Variants in DCDC2 observed in about 807,000 individuals in gnomAD.
DCDC2 encodes the protein doublecortin domain containing 2.
DCDC2 carries 40 observed loss-of-function variants against 50.2 expected under a neutral mutation model. That is an observed-to-expected ratio of 0.80 (90% CI 0.62 to 1.04). The LOEUF is 1.04. DCDC2 is among the 50% of genes least tolerant of loss of function. The probability of loss-of-function intolerance (pLI) is 0.00; values close to 1 mark genes in which losing one functional copy is unlikely to be tolerated. For synonymous variants in DCDC2, 234 were observed against 210.6 expected (o/e 1.11, Z -0.96); for missense variants, 570 against 581.9 (o/e 0.98, Z 0.21).
chr6:24,224,305 T>A (rs1217289353), intron 7 of DCDC2, among the ~76,000 whole-genome samples: 1 of 152,176 alleles, frequency 6.6e-6, no homozygotes, highest in Non-Finnish European at 1.5e-5. Flanking sequence ...TCTTAGACTC[T>A]AAAGATACAA....
chr6:24,205,448 C>T (rs1427997669), intron 7 of DCDC2: 3 of 1,041,720 alleles, frequency 2.9e-6, no homozygotes, highest in Non-Finnish European at 2.7e-6. Flanking sequence ...CTCCTATTCA[C>T]AAAACAGTGA....
chr6:24,368,150 CAAAT>C, the DCDC2 span, among the ~76,000 whole-genome samples: 48 of 151,234 alleles, frequency 3.2e-4, no homozygotes, highest in African/African-American at 1.0e-3. Flanking sequence ...AAAAAAATAA[CAAAT>C]AAGTTATCCA....
intron 7 of DCDC2, among the ~76,000 whole-genome samples, chr6:24,260,083 C>T (rs553004347): frequency 6.6e-6 from 1 of 152,284 alleles, no homozygotes; most frequent in South Asian, 2.1e-4. Context: ...GCCCAACTAA[C>T]TTTTTTCTTC....
intron 2 of DCDC2, among the ~76,000 whole-genome samples, chr6:24,340,427 T>C (rs1181769689): frequency 6.6e-6 from 1 of 152,248 alleles, no homozygotes; most frequent in Non-Finnish European, 1.5e-5. Flanking sequence ...ACTATTTGAC[T>C]AAATTAAATA....
intron 7 of DCDC2, among the ~76,000 whole-genome samples, chr6:24,243,582 T>A (rs916205196): frequency 2.0e-5 from 3 of 152,206 alleles, no homozygotes; most frequent in Non-Finnish European, 4.4e-5. Context: ...TTTAATAGAA[T>A]AACAAAACCC....
intron 7 of DCDC2, among the ~76,000 whole-genome samples, chr6:24,259,220 A>G (rs1468938415): frequency 6.6e-6 from 1 of 152,212 alleles, no homozygotes; most frequent in African/African-American, 2.4e-5. Context: ...ATCAAGGTAA[A>G]AATTTCAAGT....
chr6:24,246,731 C>T (rs1235914458), intron 7 of DCDC2, among the ~76,000 whole-genome samples: 2 of 152,026 alleles, frequency 1.3e-5, no homozygotes, highest in African/African-American at 4.8e-5. Context: ...AGGTGATCTG[C>T]CCGCCTCAAC....
intron 7 of DCDC2, among the ~76,000 whole-genome samples, chr6:24,221,139 C>G (rs997800019): frequency 5.3e-5 from 8 of 152,094 alleles, no homozygotes; most frequent in African/African-American, 1.9e-4. Flanking sequence ...TCTTCATCAT[C>G]CTAAAGGATA....
rs1010014171 is a variant in DCDC2 at position 24,313,961 on chromosome 6, A to C, written c.349-11917T>G. ...AAGGTGGTGCAGCTTATTCAGGAGC[A>C]CTGGACTGGGAGTCAGCTCCTAGCC... On this transcript the variant is annotated intron_variant, in intron 2 of 9. Coordinates refer to ENST00000378454, the MANE Select transcript of DCDC2 (RefSeq NM_016356.5). Among the ~76,000 whole-genome samples, 206 of 152,284 alleles carry C rather than the reference A, an allele frequency of 1.4e-3. 1 individual carries two copies. The highest frequency in any genetic ancestry group is 4.4e-3 in the African/African-American group (184 of 41,558).
At chr6:24,372,916 TA>T in the DCDC2 span, among the ~76,000 whole-genome samples, 5 of 151,098 alleles carry the variant, frequency 3.3e-5, no homozygotes, top group Non-Finnish European at 7.4e-5. Context: ...TAAAGTATAA[TA>T]AAAAAATAAA....
intron 7 of DCDC2, among the ~76,000 whole-genome samples, chr6:24,225,394 G>A (rs1275159447): frequency 2.6e-5 from 4 of 152,022 alleles, no homozygotes; most frequent in Non-Finnish European, 5.9e-5. Flanking sequence ...AGAAAAACAT[G>A]CAGTTAAACT....
intron 7 of DCDC2, among the ~76,000 whole-genome samples, chr6:24,213,719 CT>C (rs1389082383): frequency 6.6e-6 from 1 of 151,956 alleles, no homozygotes. Flanking sequence ...AGGATAGGGT[CT>C]TTATGAAGCT....
chr6:24,239,588 T>G, intron 7 of DCDC2, among the ~76,000 whole-genome samples: 1 of 152,190 alleles, frequency 6.6e-6, no homozygotes, highest in East Asian at 1.9e-4. Flanking sequence ...CACATGATAT[T>G]AAGCTGGATC....
chr6:24,185,482 A>T (rs572319482), intron 8 of DCDC2, among the ~76,000 whole-genome samples: 1 of 152,308 alleles, frequency 6.6e-6, no homozygotes, highest in South Asian at 2.1e-4. Flanking sequence ...CTGGAACAAA[A>T]TTTATTATTA....
At chr6:24,301,873 A>C (rs745600394) in intron 3 of DCDC2, 27 bp from the exon 4 acceptor site, 1 of 1,614,074 alleles carries the variant, frequency 6.2e-7, no homozygotes, top group Admixed American at 1.7e-5. Context: ...AAACCTTCTG[A>C]AACAGTTATG....
intron 8 of DCDC2, among the ~76,000 whole-genome samples, chr6:24,193,754 G>A (rs868547076): frequency 6.6e-6 from 1 of 152,112 alleles, no homozygotes; most frequent in Non-Finnish European, 1.5e-5. Context: ...GTATGTGTTT[G>A]TATGTATGTG....
At chr6:24,336,128 A>G (rs1423373280) in intron 2 of DCDC2, among the ~76,000 whole-genome samples, 1 of 152,170 alleles carries the variant, frequency 6.6e-6, no homozygotes, top group Non-Finnish European at 1.5e-5. Flanking sequence ...GAATGTCTCC[A>G]CTGTTCAATG....
chr6:24,288,696 T>A (rs1314582018), intron 6 of DCDC2, among the ~76,000 whole-genome samples, 156 bp downstream of exon 6: 1 of 152,206 alleles, frequency 6.6e-6, no homozygotes, highest in Non-Finnish European at 1.5e-5. Context: ...GGACCATAAG[T>A]GTAACATTAA....
intron 2 of DCDC2, among the ~76,000 whole-genome samples, chr6:24,310,895 C>T (rs574822321): frequency 8.5e-5 from 13 of 152,204 alleles, no homozygotes; most frequent in African/African-American, 3.1e-4. Flanking sequence ...TCTCCCCACT[C>T]AAAATTATTT....
Sources: allele counts gnomAD v4.1 joint callset (sites outside exome capture counted in the v4.1 genomes callset), GRCh38; gene constraint gnomAD v4.1.1; transcripts MANE v1.5; gene names NCBI Gene and HGNC (gene_info 2026-07-23, HGNC 2026-07-21).